The following TTC16 variants were observed in gnomAD, a reference collection of about 807,000 sequenced individuals.
TTC16 encodes tetratricopeptide repeat protein 16.
Under a neutral mutation model 80.4 loss-of-function variants are expected in TTC16, and 66 were observed. The observed-to-expected ratio is 0.82, with a 90% CI of 0.67 to 1.01. The LOEUF is 1.01. Among genes scored for constraint, TTC16 ranks in the 50% least tolerant of loss-of-function variants. TTC16 has a pLI of 0.00. For missense variants in TTC16, 1,070 were observed against 1,103.2 expected (o/e 0.97, Z 0.43); for synonymous variants, 438 against 451.3 (o/e 0.97, Z 0.37).
chr9:127,720,886 TTCCTCCCTCCTCCTTCCTCCC>T (rs1263689643), intron 6 of TTC16, among the ~76,000 whole-genome samples: 1 of 22,552 alleles, frequency 4.4e-5, no homozygotes, highest in Non-Finnish European at 8.7e-5. Context: ...CCCCTTCCCC[TTCCTCCCTCCTCCTTCCTCCC>T]TCCTCCCTCC....
intron 4 of TTC16, 149 bp downstream of exon 4, chr9:127,717,921 G>C (rs989449593): frequency 4.6e-5 from 49 of 1,065,964 alleles, no homozygotes; most frequent in Non-Finnish European, 6.0e-5. Flanking sequence ...TCCAAGGCTG[G>C]TTTACTGCCA....
chr9:127,716,816 G>A, intron 1 of TTC16, 28 bp from the exon 2 acceptor site: 3 of 1,591,174 alleles, frequency 1.9e-6, no homozygotes, highest in Non-Finnish European at 1.7e-6. Context: ...TCGGGGGCCT[G>A]CTCCAGCTTG....
chr9:127,726,910 C>T (rs578997), intron 10 of TTC16, 60 bp from the exon 11 acceptor site: 945,034 of 1,606,732 alleles, frequency 0.59, 281,435 homozygotes, highest in African/African-American at 0.75. Flanking sequence ...AGGGCAGCAT[C>T]GTGCTGTCTG....
chr9:127,731,195 G>C lies in TTC16; in HGVS notation c.2412G>C (p.Lys804Asn). The part of the protein sequence containing the change: ...RSRGLLRSST[K>N]TEAFYDSNWS... ...GGGGACTGCTCCGAAGTTCCACCAA[G>C]ACTGAGGCTTTCTATGACTCAAACT... Residue 804 changes from lysine (K) to asparagine (N), a missense_variant, in exon 14 of 14, where the codon AAG (lysine) becomes AAC (asparagine). By Grantham distance (94) the Lys-to-Asn change is moderately conservative. Transcript: ENST00000373289. 6.2e-7 allele frequency: 1 copy of C among 1,612,946 alleles called. No individual in the cohort carries two copies. The highest frequency in any genetic ancestry group is 8.5e-7 in the Non-Finnish European group (1 of 1,179,928).
At chr9:127,720,920 C>T (rs1334467817) in intron 6 of TTC16, among the ~76,000 whole-genome samples, 2 of 136,316 alleles carry the variant, frequency 1.5e-5, no homozygotes, top group African/African-American at 5.8e-5. Context: ...CTCCCTCCTC[C>T]CTTCCTCCCT....
intron 9 of TTC16, 63 bp downstream of exon 9, chr9:127,724,960 C>T (rs1843814895): frequency 7.0e-7 from 1 of 1,433,932 alleles, no homozygotes; most frequent in South Asian, 1.5e-5. Context: ...GGCAGGAGGC[C>T]AACTGCTGGG....
chr9:127,716,143 C>T lies in TTC16; in HGVS notation c.-3C>T. ...GCCTCGGGGTCCTCCTGGAAGGGGC[C>T]TCATGACAGATTCGGACGAGGTGCG... On this transcript the variant is annotated 5_prime_UTR_variant, in exon 1 of 14. Transcript: ENST00000373289. 2 of 1,613,990 alleles carry T rather than the reference C, an allele frequency of 1.2e-6. No individual in the cohort carries two copies. Among genetic ancestry groups the T allele is most frequent in the Non-Finnish European group, 8.5e-7 (1 of 1,180,026 alleles).
At position 127,729,563 on chromosome 9, in the gene TTC16, G is replaced by C; in HGVS notation, c.1765-18G>C. On this transcript the variant is annotated intron_variant, in intron 12 of 13. Transcript: ENST00000373289. ...GGCCTCCTACCATCTGAACTACAAAGCCTGTTTCTTGCCATAGGAGAAAAA... is the reference window on the plus strand; with the variant it reads ...GGCCTCCTACCATCTGAACTACAAACCCTGTTTCTTGCCATAGGAGAAAAA... 6.2e-7 allele frequency: 1 copy of C among 1,611,840 alleles called. No homozygotes were observed. Among genetic ancestry groups the C allele is most frequent in the Non-Finnish European group, 8.5e-7 (1 of 1,178,362 alleles).
At chr9:127,724,642 G>C in intron 8 of TTC16, 114 bp from the exon 9 acceptor site, 7 of 1,388,196 alleles carry the variant, frequency 5.0e-6, no homozygotes, top group Non-Finnish European at 6.7e-6. Flanking sequence ...AGACTGCGGC[G>C]GGGGGTTATC....
chr9:127,724,886 G>C lies in TTC16; in HGVS notation c.1248G>C (p.Glu416Asp). 1 of 1,548,700 alleles carries C rather than the reference G, an allele frequency of 6.5e-7. No homozygotes were observed. Among genetic ancestry groups the C allele is most frequent in the Non-Finnish European group, 8.7e-7 (1 of 1,150,570 alleles). ...GLLQEKMGFC[E>D]QRRKQFQKAE... The stretch of plus-strand genomic sequence containing the variant: ...TGCAGGAGAAGATGGGCTTCTGCGA[G>C]CAGAGGCGCAAGTGCGTGGGCTCCC... Residue 416 changes from glutamate to aspartate, a missense_variant, in exon 9 of 14, where the codon GAG becomes GAC. Glu to Asp is a conservative substitution (Grantham distance 45). Transcript: ENST00000373289.
chr9:127,716,385 G>C, intron 1 of TTC16: 1 of 648,460 alleles, frequency 1.5e-6, no homozygotes, highest in Non-Finnish European at 2.7e-6. Flanking sequence ...TGGGGAAGGT[G>C]ACCTCACCAA....
intron 9 of TTC16, among the ~76,000 whole-genome samples, chr9:127,725,766 A>G (rs1184744571): frequency 3.3e-5 from 5 of 151,494 alleles, no homozygotes; most frequent in Non-Finnish European, 7.4e-5. Context: ...CGCCCAGCTA[A>G]TTTTTGTATT....
intron 4 of TTC16, among the ~76,000 whole-genome samples, chr9:127,719,230 G>A (rs947161929): frequency 2.0e-5 from 3 of 151,364 alleles, no homozygotes; most frequent in Non-Finnish European, 4.4e-5. Flanking sequence ...AAAAAATTCT[G>A]TTCTTAAAAA....
rs1156634377 is a variant in TTC16 at position 127,717,413 on chromosome 9, G to T, written c.271G>T (p.Asp91Tyr). ...GCTCTTCTCCCGCGCACTCCACCTG[G>T]ACCCACAGCTGGTGAGAGGCAGACC... ...VLLFSRALHLDPQLVDFYALR... is the reference protein window; with the variant it reads ...VLLFSRALHLYPQLVDFYALR... Residue 91 changes from aspartate (D) to tyrosine (Y), a missense_variant, in exon 3 of 14, where the codon GAC becomes TAC. By Grantham distance (160) the Asp-to-Tyr change is radical. Coordinates refer to ENST00000373289, the MANE Select transcript of TTC16 (RefSeq NM_144965.3). 6.2e-7 allele frequency: 1 copy of T among 1,612,952 alleles called. No individual in the cohort carries two copies. The highest frequency in any genetic ancestry group is 1.1e-5 in the South Asian group (1 of 91,042).
chr9:127,727,223 G>A, intron 11 of TTC16, 47 bp from the exon 12 acceptor site: 1 of 1,531,474 alleles, frequency 6.5e-7, no homozygotes. Flanking sequence ...GGAGAGACCA[G>A]CATGGGCCAG....
At position 127,730,910 on chromosome 9, in the gene TTC16, G is replaced by C. The variant is rs377235147; in HGVS notation, c.2127G>C (p.Lys709Asn). The C allele has an allele frequency of 4.1e-5, 66 of 1,612,396 alleles. No homozygotes were observed. Among genetic ancestry groups the C allele is most frequent in the Non-Finnish European group, 4.9e-5 (58 of 1,179,798 alleles). Residue 709 changes from lysine (K) to asparagine (N), a missense_variant, in exon 14 of 14, where the codon AAG (lysine) becomes AAC (asparagine). By Grantham distance (94) the Lys-to-Asn change is moderately conservative. Transcript: ENST00000373289. The part of the protein sequence containing the change: ...KATIHKRNSS[K>N]TKATQSQRRN... ...CTATACACAAGAGGAACTCCAGCAA[G>C]ACCAAGGCCACCCAAAGCCAGAGGC... is the stretch of plus-strand genomic sequence containing the variant.
Position 127,731,144 on chromosome 9 carries a change from G to A in TTC16, c.2361G>A (p.Lys787=), listed in dbSNP as rs1844386464. Residue 787 remains lysine (K), a synonymous_variant, in exon 14 of 14, where the codon AAG becomes AAA. Coordinates refer to ENST00000373289, the MANE Select transcript of TTC16 (RefSeq NM_144965.3). ...AARGRSWRPS[K]VDATQGRSRG... ...GTGGCCGGAGCTGGAGACCCAGCAA[G>A]GTTGATGCCACCCAGGGCCGAAGCA... 1 of 1,612,060 alleles carries A rather than the reference G, an allele frequency of 6.2e-7. No homozygotes were observed.
Position 127,724,952 on chromosome 9 carries a change from C to G in TTC16, c.1259+55C>G, listed in dbSNP as rs533620765. The G allele has an allele frequency of 2.5e-5, 36 of 1,440,004 alleles. No homozygotes were observed. The East Asian group carries it at 9.0e-4, about 36-fold the overall frequency. 89.2% of individuals were successfully genotyped at this position (1,440,004 alleles called of 1,614,324 possible). A position where few individuals can be genotyped will look rare whatever the true frequency, so the allele number is the denominator to read the frequency against. Reference sequence around the variant, plus strand: ...GGGGCAGGCCCGAGGGCAGGGCGGGCAGGAGGCCAACTGCTGGGATCCCTG... The same window carrying G: ...GGGGCAGGCCCGAGGGCAGGGCGGGGAGGAGGCCAACTGCTGGGATCCCTG... On this transcript the variant is annotated intron_variant, in intron 9 of 13. Transcript: ENST00000373289.
At chr9:127,721,320 G>A (rs1280518756) in intron 6 of TTC16, among the ~76,000 whole-genome samples, 6 of 152,108 alleles carry the variant, frequency 3.9e-5, no homozygotes, top group African/African-American at 1.4e-4. Context: ...GGGTGAGGTG[G>A]AGGGAAAGGT....
Sources: gnomAD v4.1 joint callset for allele counts (sites outside exome capture counted in the v4.1 genomes callset) on GRCh38, gnomAD v4.1.1 for gene constraint, MANE v1.5 for transcripts, NCBI Gene and HGNC (gene_info 2026-07-23, HGNC 2026-07-21) for gene names.